Variants in TMEM39A observed in about 807,000 individuals in gnomAD.
The protein encoded by TMEM39A is suppressor of SQST-1 aggregates in rpl-43 mutants.
In TMEM39A, 19 loss-of-function variants were observed where a neutral mutation model predicts 51.9. The observed-to-expected ratio is 0.37, with a 90% CI of 0.26 to 0.54. The LOEUF (loss-of-function observed/expected upper bound fraction) is 0.54, where lower values mean the gene tolerates loss of function less well. TMEM39A is among the 20% of genes least tolerant of loss of function. The pLI is 0.88. For missense variants in TMEM39A, 433 were observed against 590.5 expected (o/e 0.73, Z 2.76); for synonymous variants, 197 against 220.2 (o/e 0.89, Z 0.93).
intron 3 of TMEM39A, among the ~76,000 whole-genome samples, chr3:119,457,738 G>A (rs1451425032): frequency 6.6e-6 from 1 of 152,022 alleles, no homozygotes; most frequent in East Asian, 1.9e-4. Context: ...AATTTAAAAT[G>A]GTGTAGAGAA....
intron 3 of TMEM39A, 45 bp from the exon 4 acceptor site, chr3:119,452,575 T>C (rs2081214855): frequency 6.8e-7 from 1 of 1,467,490 alleles, no homozygotes; most frequent in Non-Finnish European, 9.5e-7. Context: ...ATATGATGTG[T>C]ATTCAGCTGG....
At chr3:119,432,490 T>C (rs1357399779) in intron 8 of TMEM39A, among the ~76,000 whole-genome samples, 1 of 152,114 alleles carries the variant, frequency 6.6e-6, no homozygotes, top group Non-Finnish European at 1.5e-5. Context: ...TAAACATTTT[T>C]CTTAGATTAT....
chr3:119,429,681 A>T lies in TMEM39A; in HGVS notation c.*2300T>A, dbSNP rs751586849. 1.3e-5 allele frequency: 2 copies of T among 152,142 alleles called. No homozygotes were observed. The highest frequency in any genetic ancestry group is 2.9e-5 in the Non-Finnish European group (2 of 68,004). The allele number at this position is 152,142 out of a possible 1,614,324, so 9.4% of individuals were successfully genotyped here. A position where few individuals can be genotyped will look rare whatever the true frequency, so the allele number is the denominator to read the frequency against. ...AAACAAACAAACAAAAAACAGCTGG[A>T]ATGTGTAGAACACGTTGAACTAAAC... is the stretch of plus-strand genomic sequence containing the variant. On this transcript the variant is annotated 3_prime_UTR_variant, in exon 9 of 9. Transcript: ENST00000319172.
intron 8 of TMEM39A, among the ~76,000 whole-genome samples, chr3:119,434,411 T>C (rs1300516638): frequency 6.6e-6 from 1 of 152,048 alleles, no homozygotes; most frequent in Non-Finnish European, 1.5e-5. Flanking sequence ...ACAGATACAA[T>C]ATATCTTAAC....
chr3:119,447,193 A>G, intron 4 of TMEM39A, 21 bp from the exon 5 acceptor site: 18 of 1,604,700 alleles, frequency 1.1e-5, no homozygotes, highest in Non-Finnish European at 1.5e-5. Context: ...GGAAGCACCA[A>G]AATGAACATT....
chr3:119,459,758 CAG>C (rs2081314348), intron 2 of TMEM39A, among the ~76,000 whole-genome samples: 1 of 152,154 alleles, frequency 6.6e-6, no homozygotes, highest in Non-Finnish European at 1.5e-5. Context: ...ACCTACCAAA[CAG>C]GGACAAATTC....
At chr3:119,435,020 C>A in intron 7 of TMEM39A, 138 bp from the exon 8 acceptor site, 1 of 1,403,932 alleles carries the variant, frequency 7.1e-7, no homozygotes, top group East Asian at 2.5e-5. Flanking sequence ...TACAGTAATT[C>A]CATGGTCAAA....
chr3:119,453,197 T>C (rs931625100), intron 3 of TMEM39A, among the ~76,000 whole-genome samples: 1 of 152,228 alleles, frequency 6.6e-6, no homozygotes, highest in African/African-American at 2.4e-5. Context: ...TATTTTCATT[T>C]TGATGATCAA....
At chr3:119,452,934 C>G (rs1417380809) in intron 3 of TMEM39A, among the ~76,000 whole-genome samples, 1 of 152,166 alleles carries the variant, frequency 6.6e-6, no homozygotes, top group Non-Finnish European at 1.5e-5. Flanking sequence ...TGGTCTCTTA[C>G]ACAAGCTTAT....
intron 5 of TMEM39A, among the ~76,000 whole-genome samples, chr3:119,438,732 T>C (rs2081009659): frequency 6.6e-6 from 1 of 152,232 alleles, no homozygotes; most frequent in African/African-American, 2.4e-5. Flanking sequence ...TTGGTCATTT[T>C]AGTACAGCTT....
chr3:119,432,227 T>TA lies in TMEM39A; in HGVS notation c.1234-14dup. The TA allele has an allele frequency of 1.9e-6, 3 of 1,560,534 alleles. No individual in the cohort carries two copies. The highest frequency in any genetic ancestry group is 2.6e-6 in the Non-Finnish European group (3 of 1,142,958). ...GATGAAATAAGAACTGTAAGGAAGT[T>TA]AAAAAAGTAAAACATTATTTCATAG... On this transcript the variant is annotated splice_polypyrimidine_tract_variant and intron_variant, in intron 8 of 8. Transcript: ENST00000319172.
Position 119,437,941 on chromosome 3 carries a change from C to A in TMEM39A, c.738G>T (p.Glu246Asp), listed in dbSNP as rs769881212. The part of the protein sequence containing the change: ...KSKDFLSLLL[E>D]SLKEQFNNAT... The stretch of plus-strand genomic sequence containing the variant: ...CATTATTAAACTGTTCTTTTAGCGA[C>A]TCCAGCAACAAGGAGAGAAAGTCTT... Residue 246 changes from glutamate (E) to aspartate (D), a missense_variant, in exon 6 of 9, where the codon GAG (glutamate) becomes GAT (aspartate). Glu to Asp is a conservative substitution (Grantham distance 45). Transcript: ENST00000319172. 5.6e-6 allele frequency: 9 copies of A among 1,614,110 alleles called. No individual in the cohort carries two copies. The South Asian group carries it at 6.6e-5, about 12-fold the overall frequency.
Position 119,431,267 on chromosome 3 carries a change from G to C in TMEM39A, c.*714C>G, listed in dbSNP as rs1466082788. 1 of 152,022 alleles carries C rather than the reference G, an allele frequency of 6.6e-6. No individual in the cohort carries two copies. Among genetic ancestry groups the C allele is most frequent in the Admixed American group, 6.6e-5 (1 of 15,244 alleles). The allele number at this position is 152,022 out of a possible 1,614,324, so 9.4% of individuals were successfully genotyped here. ...ACACATCATCTTCTTCATGAATGTGGGCAGTCTAAAGACTTCCTGTCTGGC... is the reference window on the plus strand; with the variant it reads ...ACACATCATCTTCTTCATGAATGTGCGCAGTCTAAAGACTTCCTGTCTGGC... On this transcript the variant is annotated 3_prime_UTR_variant, in exon 9 of 9. Coordinates refer to ENST00000319172, the MANE Select transcript of TMEM39A (RefSeq NM_018266.3).
chr3:119,451,062 A>G (rs1409766253), intron 4 of TMEM39A: 1 of 251,862 alleles, frequency 4.0e-6, no homozygotes, highest in African/African-American at 2.3e-5. Flanking sequence ...ATGAAAACAT[A>G]AAATTCCACT....
chr3:119,437,649 G>A (rs2080989064), intron 6 of TMEM39A, 106 bp downstream of exon 6: 1 of 910,796 alleles, frequency 1.1e-6, no homozygotes, highest in Admixed American at 2.8e-5. Context: ...CACCATCCAG[G>A]CTGCCAAAGG....
intron 8 of TMEM39A, among the ~76,000 whole-genome samples, chr3:119,433,734 T>C (rs1354261359): frequency 6.6e-6 from 1 of 152,184 alleles, no homozygotes; most frequent in Non-Finnish European, 1.5e-5. Context: ...AGTCCTTTCC[T>C]CCACCTTAAG....
At chr3:119,451,307 C>T (rs2107680893) in intron 4 of TMEM39A, 1 of 1,288,370 alleles carries the variant, frequency 7.8e-7, no homozygotes, top group East Asian at 5.6e-5. Context: ...TCAGAGCTTA[C>T]ACACACAGAC....
Position 119,451,289 on chromosome 3 carries a change from C to T in TMEM39A, c.420+1158G>A, listed in dbSNP as rs1391339181. The T allele has an allele frequency of 3.1e-6, 4 of 1,288,304 alleles. No homozygotes were observed. The Admixed American group carries it at 9.2e-5, about 30-fold the overall frequency. The allele number at this position is 1,288,304 out of a possible 1,614,324, so 79.8% of individuals were successfully genotyped here. The stretch of plus-strand genomic sequence containing the variant: ...TTACTCTGCTTCCAGAAATAGGGTT[C>T]CTGAAAATCAGAGCTTACACACACA... On this transcript the variant is annotated intron_variant, in intron 4 of 8. Transcript: ENST00000319172.
chr3:119,438,868 C>T (rs2081011803), intron 5 of TMEM39A, among the ~76,000 whole-genome samples: 2 of 152,082 alleles, frequency 1.3e-5, no homozygotes, highest in South Asian at 4.1e-4. Flanking sequence ...CAGATCTTAC[C>T]ATGTTTATTC....
Sources: gnomAD v4.1 joint callset for allele counts (sites outside exome capture counted in the v4.1 genomes callset) on GRCh38, gnomAD v4.1.1 for gene constraint, MANE v1.5 for transcripts, NCBI Gene and HGNC (gene_info 2026-07-23, HGNC 2026-07-21) for gene names.